The following EYS variants were observed in gnomAD, a reference collection of about 807,000 sequenced individuals.
EYS encodes the protein protein eyes shut homolog.
In EYS, 250 loss-of-function variants were observed where a neutral mutation model predicts 282.1. The ratio of observed to expected loss-of-function variants is 0.89; its 90% confidence interval spans 0.80 to 0.98. The LOEUF (loss-of-function observed/expected upper bound fraction) is 0.98, where lower values mean the gene tolerates loss of function less well. EYS is among the 50% of genes least tolerant of loss of function. The pLI is 0.00. For synonymous variants in EYS, 1,355 were observed against 1,282.9 expected (o/e 1.06, Z -1.20); for missense variants, 4,016 against 3,709.0 (o/e 1.08, Z -2.15).
intron 12 of EYS, among the ~76,000 whole-genome samples, chr6:65,058,122 T>C (rs1773469589): frequency 6.6e-6 from 1 of 152,250 alleles, no homozygotes; most frequent in East Asian, 1.9e-4. Context: ...AACATCCTGA[T>C]GTATGTCCCT....
Position 64,566,317 on chromosome 6 carries a change from C to T in EYS, c.5644+23906G>A, listed in dbSNP as rs189710903. On this transcript the variant is annotated intron_variant, in intron 26 of 42. Transcript: ENST00000503581. ...CCTGGGAGCAGACATGTATTTAAAACCTGTATTTGACAGTGACTAGGTGCA... is the reference window on the plus strand; with the variant it reads ...CCTGGGAGCAGACATGTATTTAAAATCTGTATTTGACAGTGACTAGGTGCA... Among the ~76,000 whole-genome samples the T allele has an allele frequency of 2.1e-4, 32 of 152,172 alleles. 1 individual carries two copies. Among genetic ancestry groups the T allele is most frequent in the Middle Eastern group, 3.4e-3 (1 of 294 alleles).
intron 22 of EYS, among the ~76,000 whole-genome samples, chr6:64,766,649 A>AAAAAAAATAT (rs1387919586): frequency 1.0e-3 from 20 of 19,064 alleles, no homozygotes; most frequent in African/African-American, 3.6e-3. Flanking sequence ...AAAAAAAAAA[A>AAAAAAAATAT]ATATATATAT....
intron 15 of EYS, among the ~76,000 whole-genome samples, chr6:64,940,214 T>C (rs373121912): frequency 3.3e-5 from 5 of 152,170 alleles, no homozygotes; most frequent in African/African-American, 9.6e-5. Context: ...GATATCCCTG[T>C]GGATCTACAT....
At chr6:64,743,775 T>C (rs1301779764) in intron 22 of EYS, among the ~76,000 whole-genome samples, 1 of 152,138 alleles carries the variant, frequency 6.6e-6, no homozygotes, top group African/African-American at 2.4e-5. Context: ...ATATTTAGAA[T>C]TGTTACAAAA....
At chr6:64,992,150 C>A (rs1044660617) in intron 14 of EYS, among the ~76,000 whole-genome samples, 1 of 151,764 alleles carries the variant, frequency 6.6e-6, no homozygotes, top group East Asian at 1.9e-4. Context: ...AACTGATAAA[C>A]AAATTAAAAT....
At chr6:64,930,457 A>G in intron 15 of EYS, among the ~76,000 whole-genome samples, 1 of 107,582 alleles carries the variant, frequency 9.3e-6, no homozygotes, top group Non-Finnish European at 1.8e-5. Context: ...ATGCATAAAT[A>G]AGGTAAAAAA....
chr6:63,741,520 CACAG>C (rs1039166325), intron 41 of EYS, among the ~76,000 whole-genome samples: 16 of 152,288 alleles, frequency 1.1e-4, no homozygotes, highest in Middle Eastern at 3.4e-3. Context: ...TCAGGGAGAG[CACAG>C]ACTGGCATAA....
At position 65,504,256 on chromosome 6, in the gene EYS, T is replaced by C. The variant is rs146377566; in HGVS notation, c.-332-8263A>G. On this transcript the variant is annotated intron_variant, in intron 2 of 42. Coordinates refer to ENST00000503581, the MANE Select transcript of EYS (RefSeq NM_001142800.2). ...TTTAAATATTAGTTGTTCATTGCTG[T>C]TACAGGGGAAAGCAGTTGACTTTGT... 2.6e-4 allele frequency among the ~76,000 whole-genome samples: 39 copies of C among 151,810 alleles called. No individual in the cohort carries two copies. The East Asian group carries it at 7.5e-3, about 29-fold the overall frequency.
At position 64,296,594 on chromosome 6, in the gene EYS, ATATATTT is replaced by A. The variant is rs1769031218; in HGVS notation, c.6191+10369_6191+10375del. 1.6e-3 allele frequency among the ~76,000 whole-genome samples: 8 copies of A among 4,876 alleles called. No individual in the cohort carries two copies. The East Asian group carries it at 0.022, about 13-fold the overall frequency. The allele number at this position is 4,876 out of a possible 152,430, so 3.2% of individuals were successfully genotyped here. A position where few individuals can be genotyped will look rare whatever the true frequency, so the allele number is the denominator to read the frequency against. On this transcript the variant is annotated intron_variant, in intron 30 of 42. Coordinates refer to ENST00000503581, the MANE Select transcript of EYS (RefSeq NM_001142800.2). The stretch of plus-strand genomic sequence containing the variant: ...TATATATATATATATACATATATAT[ATATATTT>A]TTTTTTTTTTTTTTTTTTTTTTTGA...
chr6:63,768,863 C>G (rs1338327561), intron 40 of EYS, among the ~76,000 whole-genome samples: 2 of 152,022 alleles, frequency 1.3e-5, no homozygotes, highest in African/African-American at 4.8e-5. Flanking sequence ...GAATGTGGTA[C>G]ATATATACCA....
At chr6:64,687,804 C>T (rs954420913) in intron 22 of EYS, among the ~76,000 whole-genome samples, 1 of 152,152 alleles carries the variant, frequency 6.6e-6, no homozygotes, top group African/African-American at 2.4e-5. Flanking sequence ...GGTACCATCT[C>T]CTCTTTGTAC....
intron 21 of EYS, among the ~76,000 whole-genome samples, chr6:64,814,532 T>G (rs1424571585): frequency 6.6e-6 from 1 of 152,048 alleles, no homozygotes; most frequent in Non-Finnish European, 1.5e-5. Flanking sequence ...CTCTGTATAT[T>G]TAGCTTCTAC....
chr6:64,368,130 G>T (rs1384919489), intron 29 of EYS, among the ~76,000 whole-genome samples: 2 of 152,036 alleles, frequency 1.3e-5, no homozygotes, highest in African/African-American at 4.8e-5. Context: ...GGTGTCTGTT[G>T]TTCTCGTCTG....
intron 26 of EYS, among the ~76,000 whole-genome samples, chr6:64,515,916 G>A (rs552973156): frequency 7.3e-4 from 111 of 151,664 alleles, no homozygotes; most frequent in Middle Eastern, 3.4e-3. Flanking sequence ...ATTTATAGCC[G>A]AACTTTAAGT....
intron 22 of EYS, among the ~76,000 whole-genome samples, chr6:64,732,891 G>A (rs1394010318): frequency 6.6e-6 from 1 of 152,152 alleles, no homozygotes; most frequent in Non-Finnish European, 1.5e-5. Flanking sequence ...GAAACCTCTA[G>A]ATTTCTTATA....
chr6:64,799,719 T>A (rs1166038190), intron 22 of EYS, among the ~76,000 whole-genome samples: 1 of 150,802 alleles, frequency 6.6e-6, no homozygotes, highest in Admixed American at 6.6e-5. Flanking sequence ...TGTCTGTATC[T>A]CTCTATCTCA....
At chr6:65,289,521 T>C (rs1333401110) in intron 12 of EYS, among the ~76,000 whole-genome samples, 1 of 151,060 alleles carries the variant, frequency 6.6e-6, no homozygotes, top group Non-Finnish European at 1.5e-5. Context: ...TTCGGAAAAA[T>C]GTATTCAGAT....
chr6:64,285,744 C>T (rs978852757), intron 30 of EYS, among the ~76,000 whole-genome samples: 1 of 152,118 alleles, frequency 6.6e-6, no homozygotes, highest in African/African-American at 2.4e-5. Context: ...GAGGTGAAAG[C>T]CCATTACATG....
intron 7 of EYS, among the ~76,000 whole-genome samples, chr6:65,385,472 T>G (rs1409758214): frequency 6.6e-6 from 1 of 151,914 alleles, no homozygotes; most frequent in Admixed American, 6.6e-5. Context: ...ATTTCTCCAT[T>G]CATATCAGAA....
Sources: allele counts gnomAD v4.1 joint callset (sites outside exome capture counted in the v4.1 genomes callset), GRCh38; gene constraint gnomAD v4.1.1; transcripts MANE v1.5; gene names NCBI Gene and HGNC (gene_info 2026-07-23, HGNC 2026-07-21).